The following TBX19 variants were observed in gnomAD, a reference collection of about 807,000 sequenced individuals.
TBX19 encodes T-box transcription factor 19.
A neutral mutation model predicts 40.9 loss-of-function variants in TBX19; 33 were observed. That is an observed-to-expected ratio of 0.81 (90% CI 0.61 to 1.08). The LOEUF (loss-of-function observed/expected upper bound fraction) is 1.08. Ranked by LOEUF, TBX19 falls within the 50% of genes least tolerant of loss-of-function variation. TBX19 has a pLI of 0.00. For synonymous variants in TBX19, 220 were observed against 225.0 expected, an observed-to-expected ratio of 0.98 and a Z score of 0.20; for missense variants, 494 against 574.0, an observed-to-expected ratio of 0.86 and a Z score of 1.42.
At chr1:168,303,556 A>G (rs1288060380) in intron 5 of TBX19, among the ~76,000 whole-genome samples, 2 of 152,200 alleles carry the variant, frequency 1.3e-5, no homozygotes, top group Non-Finnish European at 2.9e-5. Flanking sequence ...GCAAGAAAGA[A>G]TTCAGGGCAA....
At chr1:168,293,342 G>A in intron 3 of TBX19, 64 bp downstream of exon 3, 1 of 1,523,038 alleles carries the variant, frequency 6.6e-7, no homozygotes, top group Non-Finnish European at 8.8e-7. Context: ...TCACCTGGGA[G>A]ATCATGGCAG....
Position 168,305,041 on chromosome 1 carries a change from T to C in TBX19, c.761T>C (p.Val254Ala), listed in dbSNP as rs77425733. The C allele has an allele frequency of 9.1e-4, 1,466 of 1,614,042 alleles. 14 individuals are homozygous for C. In the African/African-American group the frequency reaches 0.016, roughly 18 times the overall value. The part of the protein sequence containing the change: ...GGWIFSNPDG[V>A]CTAGNSNYQY... The stretch of plus-strand genomic sequence containing the variant: ...TGGATCTTTTCCAATCCAGATGGAG[T>C]GTGCACAGCAGGAAACTCCAATTAC... The change falls in exon 6 of 8, where the codon GTG (valine) becomes GCG (alanine). Residue 254 changes from valine to alanine, a missense_variant. Val to Ala is a moderately conservative substitution (Grantham distance 64). This residue lies in a region of TBX19 where 284 missense variants were observed against 307.3 expected (regional missense o/e 0.92). Transcript: ENST00000367821.
chr1:168,286,947 T>C (rs202155499), intron 1 of TBX19, among the ~76,000 whole-genome samples: 2 of 152,234 alleles, frequency 1.3e-5, no homozygotes, highest in Non-Finnish European at 1.5e-5. Flanking sequence ...GGCATCTCAC[T>C]GTGGTTTGGA....
chr1:168,298,569 G>C (rs942463457), intron 4 of TBX19, among the ~76,000 whole-genome samples: 1 of 152,014 alleles, frequency 6.6e-6, no homozygotes, highest in Non-Finnish European at 1.5e-5. Flanking sequence ...CTGCTACTTC[G>C]GGGCAGCGAC....
In TBX19 at chr1:168,309,773, G is replaced by C. The variant is rs566877055; in HGVS notation, c.1052+896G>C. 2.6e-5 allele frequency among the ~76,000 whole-genome samples: 4 copies of C among 152,260 alleles called. No individual in the cohort carries two copies. In the South Asian group the frequency reaches 8.3e-4, roughly 32 times the overall value. On this transcript the variant is annotated intron_variant, in intron 7 of 7. Coordinates refer to ENST00000367821, the MANE Select transcript of TBX19 (RefSeq NM_005149.3). ...GTTTGAGTCCCAGTTCTACCTCTTA[G>C]TAGTGATTTTGTGGCTTTGGGCAAT...
intron 2 of TBX19, 118 bp from the exon 3 acceptor site, chr1:168,293,026 G>C: frequency 6.4e-7 from 1 of 1,555,888 alleles, no homozygotes; most frequent in Non-Finnish European, 8.7e-7. Context: ...GATTTGAAAT[G>C]TGTGTCCCTA....
rs141504166 is a variant in TBX19, at chr1:168,298,901, C to T, written c.665+1116C>T. The stretch of plus-strand genomic sequence containing the variant: ...TTTCTTTCTTTCTTTCTTTCTTTCT[C>T]TCTCTCTCTCTTTCTTTCATTCTTC... On this transcript the variant is annotated intron_variant, in intron 4 of 7. Transcript: ENST00000367821. Among the ~76,000 whole-genome samples, 874 of 110,128 alleles carry T rather than the reference C, an allele frequency of 7.9e-3. 53 individuals are homozygous for T. Among genetic ancestry groups the T allele is most frequent in the African/African-American group, 0.023 (551 of 23,544 alleles). The allele number at this position is 110,128 out of a possible 152,430, so 72.2% of individuals were successfully genotyped here.
At chr1:168,296,894 G>GTA (rs1469539070) in intron 3 of TBX19, among the ~76,000 whole-genome samples, 2 of 151,860 alleles carry the variant, frequency 1.3e-5, no homozygotes, top group South Asian at 2.1e-4. Flanking sequence ...ATATGTGTGT[G>GTA]TATATATATA....
intron 7 of TBX19, among the ~76,000 whole-genome samples, chr1:168,311,800 T>G (rs555086678): frequency 1.3e-5 from 2 of 152,234 alleles, no homozygotes; most frequent in South Asian, 4.1e-4. Context: ...GCATCTATAT[T>G]AAGGTGCAAG....
chr1:168,305,115 T>C lies in TBX19; in HGVS notation c.835T>C (p.Cys279Arg). 1 of 1,614,176 alleles carries C rather than the reference T, an allele frequency of 6.2e-7. No individual in the cohort carries two copies. The highest frequency in any genetic ancestry group is 8.5e-7 in the Non-Finnish European group (1 of 1,180,034). The change falls in exon 6 of 8, where the codon TGT becomes CGT. Residue 279 changes from cysteine to arginine, a missense_variant. This residue lies in a region of TBX19 where 284 missense variants were observed against 307.3 expected (regional missense o/e 0.92). Transcript: ENST00000367821. ...PLPAPHTHHG[C>R]EHYSGLRGHR... Reference sequence around the variant, plus strand: ...GCCTGCTCCCCACACCCACCATGGCTGTGAGCACTATTCGGGTCTCCGAGG... The same window carrying C: ...GCCTGCTCCCCACACCCACCATGGCCGTGAGCACTATTCGGGTCTCCGAGG...
intron 5 of TBX19, among the ~76,000 whole-genome samples, chr1:168,302,812 A>G (rs1649311045): frequency 6.6e-6 from 1 of 152,142 alleles, no homozygotes. Flanking sequence ...TCTCTTGCTT[A>G]GAGTGAGAAC....
At chr1:168,288,400 T>A (rs1479735719) in intron 1 of TBX19, among the ~76,000 whole-genome samples, 1 of 152,160 alleles carries the variant, frequency 6.6e-6, no homozygotes, top group Non-Finnish European at 1.5e-5. Context: ...ATAACTATTA[T>A]CATTAGAAAA....
At chr1:168,306,763 C>G (rs1311424694) in intron 6 of TBX19, among the ~76,000 whole-genome samples, 1 of 151,872 alleles carries the variant, frequency 6.6e-6, no homozygotes, top group Non-Finnish European at 1.5e-5. Flanking sequence ...CTTTCAGGCT[C>G]TACTCCTGAG....
chr1:168,304,293 G>A (rs1017670224), intron 5 of TBX19, among the ~76,000 whole-genome samples: 1 of 152,068 alleles, frequency 6.6e-6, no homozygotes, highest in Admixed American at 6.6e-5. Flanking sequence ...TAGACAATAG[G>A]TGCTTGCTGC....
At chr1:168,308,547 T>C (rs569235518) in intron 6 of TBX19, 195 bp from the exon 7 acceptor site, 269 of 643,570 alleles carry the variant, frequency 4.2e-4, no homozygotes, top group Non-Finnish European at 6.0e-4. Flanking sequence ...AAACTATGAA[T>C]GACACCTGGC....
intron 4 of TBX19, among the ~76,000 whole-genome samples, chr1:168,299,641 ATG>A (rs762730184): frequency 2.0e-4 from 30 of 151,900 alleles, no homozygotes; most frequent in Admixed American, 5.9e-4. Context: ...ATGCCTGGCT[ATG>A]TGTTTTTTTT....
chr1:168,310,282 G>A (rs891260432), intron 7 of TBX19, among the ~76,000 whole-genome samples: 33 of 151,398 alleles, frequency 2.2e-4, no homozygotes, highest in African/African-American at 7.3e-4. Flanking sequence ...GGCAACAAGA[G>A]CGAAACTCTG....
intron 5 of TBX19, among the ~76,000 whole-genome samples, chr1:168,304,139 G>A (rs1114120): frequency 0.05 from 7,662 of 152,236 alleles, 246 homozygotes; most frequent in East Asian, 0.12. Flanking sequence ...AGACCACAGC[G>A]TTGCAATAAA....
chr1:168,296,580 C>T (rs1306220236), intron 3 of TBX19, among the ~76,000 whole-genome samples: 2 of 152,114 alleles, frequency 1.3e-5, no homozygotes, highest in African/African-American at 4.8e-5. Context: ...TATCTCCCAC[C>T]GGGACCGTCC....
Sources: allele counts gnomAD v4.1 joint callset (sites outside exome capture counted in the v4.1 genomes callset), GRCh38; gene constraint gnomAD v4.1.1; regional missense constraint gnomAD v4.1.1; transcripts MANE v1.5; gene names NCBI Gene and HGNC (gene_info 2026-07-23, HGNC 2026-07-21).